The following PDE10A variants were observed in gnomAD, a reference collection of about 807,000 sequenced individuals.
PDE10A encodes cAMP and cAMP-inhibited cGMP 3',5'-cyclic phosphodiesterase 10A.
PDE10A carries 39 observed loss-of-function variants against 97.7 expected under a neutral mutation model. The ratio of observed to expected loss-of-function variants is 0.40; its 90% CI spans 0.31 to 0.52. The LOEUF (loss-of-function observed/expected upper bound fraction) is 0.52. Among genes scored for constraint, PDE10A ranks in the 20% least tolerant of loss-of-function variants. PDE10A has a pLI of 0.56. For synonymous variants in PDE10A, 371 were observed against 376.8 expected (o/e 0.98, Z 0.18); for missense variants, 731 against 1,047.8 (o/e 0.70, Z 4.17).
chr6:165,558,353 G>C (rs1784359513), intron 1 of PDE10A, among the ~76,000 whole-genome samples: 1 of 151,230 alleles, frequency 6.6e-6, no homozygotes, highest in Non-Finnish European at 1.5e-5. Flanking sequence ...CTATCACAAG[G>C]ACAAAAAACC....
chr6:165,343,989 G>A (rs950721935), intron 18 of PDE10A, among the ~76,000 whole-genome samples: 4 of 152,188 alleles, frequency 2.6e-5, no homozygotes, highest in African/African-American at 9.7e-5. Flanking sequence ...CAGAGGAGGA[G>A]GTAGCTGTGC....
intron 1 of PDE10A, among the ~76,000 whole-genome samples, chr6:165,871,589 G>C (rs1781205705): frequency 6.6e-6 from 1 of 152,312 alleles, no homozygotes; most frequent in South Asian, 2.1e-4. Context: ...ACTAGTTTAG[G>C]ATAAGCTGAA....
At chr6:165,927,647 C>CATAAATAT in intron 1 of PDE10A, among the ~76,000 whole-genome samples, 1 of 73,238 alleles carries the variant, frequency 1.4e-5, no homozygotes, top group Non-Finnish European at 2.6e-5. Flanking sequence ...ATGAGAATGA[C>CATAAATAT]ATATATATAT....
intron 2 of PDE10A, among the ~76,000 whole-genome samples, chr6:165,510,411 C>G (rs1377726928): frequency 2.0e-5 from 3 of 151,972 alleles, no homozygotes; most frequent in Non-Finnish European, 4.4e-5. Context: ...TTTTGATGTG[C>G]TGTCAAATTT....
intron 1 of PDE10A, among the ~76,000 whole-genome samples, chr6:165,578,658 T>A (rs79279330): frequency 7.8e-6 from 1 of 127,980 alleles, no homozygotes; most frequent in Non-Finnish European, 1.7e-5. Flanking sequence ...GCATTTACCC[T>A]TTTTGGCCGC....
At chr6:165,947,733 C>T (rs576077938) in intron 1 of PDE10A, among the ~76,000 whole-genome samples, 4 of 152,264 alleles carry the variant, frequency 2.6e-5, no homozygotes, top group African/African-American at 9.6e-5. Flanking sequence ...ATAACCACTG[C>T]TACTTTTGAT....
intron 1 of PDE10A, among the ~76,000 whole-genome samples, chr6:165,563,914 T>C (rs1026463325): frequency 1.3e-5 from 2 of 150,026 alleles, no homozygotes; most frequent in African/African-American, 4.9e-5. Context: ...GTAGCTATAA[T>C]GATGATACAA....
intron 1 of PDE10A, among the ~76,000 whole-genome samples, chr6:165,891,734 G>A (rs1781805510): frequency 6.6e-6 from 1 of 151,720 alleles, no homozygotes; most frequent in Non-Finnish European, 1.5e-5. Flanking sequence ...CTTCTTCGTT[G>A]ACTGGAAATA....
intron 20 of PDE10A, among the ~76,000 whole-genome samples, chr6:165,338,156 C>T (rs1465145754): frequency 6.6e-6 from 1 of 152,198 alleles, no homozygotes; most frequent in Non-Finnish European, 1.5e-5. Context: ...ACCATGCCAT[C>T]AGAAAACCTA....
At chr6:165,854,750 G>A (rs1434660979) in intron 1 of PDE10A, among the ~76,000 whole-genome samples, 1 of 152,178 alleles carries the variant, frequency 6.6e-6, no homozygotes, top group Non-Finnish European at 1.5e-5. Context: ...CGCGGGGTCC[G>A]GGAGGAGGGC....
chr6:165,704,935 T>G (rs1791670207), intron 1 of PDE10A, among the ~76,000 whole-genome samples: 1 of 152,194 alleles, frequency 6.6e-6, no homozygotes, highest in African/African-American at 2.4e-5. Flanking sequence ...CAGGATAATT[T>G]GTACCACACT....
chr6:165,947,954 T>C (rs1252294155), intron 1 of PDE10A, among the ~76,000 whole-genome samples: 1 of 152,000 alleles, frequency 6.6e-6, no homozygotes, highest in Non-Finnish European at 1.5e-5. Flanking sequence ...AGATTCTGCT[T>C]TATTTTCAGA....
Position 165,446,302 on chromosome 6 carries a change from TG to T in PDE10A, c.1194+2625del, listed in dbSNP as rs1213745258. On this transcript the variant is annotated intron_variant, in intron 5 of 21. Transcript: ENST00000539869. ...GAAATTCTAGAGAATGCATTTCAGA[TG>T]GAAGAAAAATGATCCCAGATGGACG... Among the ~76,000 whole-genome samples, 18 of 152,190 alleles carry T rather than the reference TG, an allele frequency of 1.2e-4. No individual in the cohort carries two copies. In the East Asian group the frequency reaches 3.5e-3, roughly 29 times the overall value.
intron 1 of PDE10A, among the ~76,000 whole-genome samples, chr6:165,623,400 G>A (rs182418651): frequency 5.5e-4 from 83 of 152,114 alleles, no homozygotes; most frequent in African/African-American, 1.9e-3. Flanking sequence ...TTACAGGCGT[G>A]AGCCACCACA....
chr6:165,459,522 TAGACAGACAGACAGAC>T (rs138521828), intron 3 of PDE10A, among the ~76,000 whole-genome samples: 4,597 of 106,098 alleles, frequency 0.043, 214 homozygotes, highest in African/African-American at 0.13. Flanking sequence ...GATAGATAGA[TAGACAGACAGACAGAC>T]AGACAGACAG....
At chr6:165,411,546 T>C (rs1207900269) in intron 13 of PDE10A, among the ~76,000 whole-genome samples, 1 of 152,192 alleles carries the variant, frequency 6.6e-6, no homozygotes, top group East Asian at 1.9e-4. Flanking sequence ...TCCAAAACTG[T>C]GAGAAAAAAA....
At chr6:165,782,875 G>C (rs148933782) in intron 1 of PDE10A, among the ~76,000 whole-genome samples, 3 of 152,152 alleles carry the variant, frequency 2.0e-5, no homozygotes, top group Non-Finnish European at 4.4e-5. Context: ...TATGGGAACC[G>C]TGTGTGATTT....
chr6:165,374,200 T>G (rs1242017539), intron 18 of PDE10A, among the ~76,000 whole-genome samples: 1 of 151,444 alleles, frequency 6.6e-6, no homozygotes, highest in Non-Finnish European at 1.5e-5. Context: ...CTGCACATTG[T>G]GCACATGTAC....
At chr6:165,539,944 A>G (rs1783329799) in intron 2 of PDE10A, among the ~76,000 whole-genome samples, 2 of 152,118 alleles carry the variant, frequency 1.3e-5, no homozygotes, top group Admixed American at 1.3e-4. Context: ...TCAATCAATT[A>G]TATAATATCT....
Sources: gnomAD v4.1 joint callset for allele counts (sites outside exome capture counted in the v4.1 genomes callset) on GRCh38, gnomAD v4.1.1 for gene constraint, MANE v1.5 for transcripts, NCBI Gene and HGNC (gene_info 2026-07-23, HGNC 2026-07-21) for gene names.